DOT1L: variants seen among roughly 807,000 people sequenced by gnomAD.
The protein encoded by DOT1L is histone-lysine N-methyltransferase, H3 lysine-79 specific.
Under a neutral mutation model 153.3 loss-of-function variants are expected in DOT1L, and 33 were observed. The observed-to-expected ratio is 0.22, with a 90% confidence interval of 0.16 to 0.29. DOT1L has a LOEUF of 0.29. Among genes scored for constraint, DOT1L ranks in the 10% least tolerant of loss-of-function variants. The pLI, the probability that DOT1L is intolerant of heterozygous loss-of-function variation, is 1.00. For missense variants in DOT1L, 1,847 were observed against 2,119.9 expected (o/e 0.87, Z 2.53); for synonymous variants, 1,135 against 965.1 (o/e 1.18, Z -3.26).
At chr19:2,179,410 C>T (rs529842331) in intron 1 of DOT1L, among the ~76,000 whole-genome samples, 20 of 152,226 alleles carry the variant, frequency 1.3e-4, no homozygotes, top group South Asian at 2.1e-4. Flanking sequence ...CGGCCTCTGA[C>T]GCGCCCTGTG....
rs1011122568 is a variant in DOT1L at position 2,198,491 on chromosome 19, CG to C, written c.652-1386del. ...GACGAGTGGCCCTGTCCTCCGGGCC[CG>C]GGGGGGTGTCCCTGTCTCTCTGGGG... is the stretch of plus-strand genomic sequence containing the variant. On this transcript the variant is annotated intron_variant, in intron 7 of 27. Transcript: ENST00000398665. Among the ~76,000 whole-genome samples the C allele has an allele frequency of 3.9e-5, 6 of 152,252 alleles. No homozygotes were observed. In the South Asian group the frequency reaches 1.0e-3, roughly 26 times the overall value.
rs932223779 is a variant in DOT1L at position 2,230,810 on chromosome 19, C to T, written c.*1018C>T. The T allele has an allele frequency of 1.8e-5, 7 of 379,594 alleles. No homozygotes were observed. Among genetic ancestry groups the T allele is most frequent in the African/African-American group, 4.1e-5 (2 of 48,338 alleles). The allele number at this position is 379,594 out of a possible 1,614,324, so 23.5% of individuals were successfully genotyped here. The stretch of plus-strand genomic sequence containing the variant: ...CCCCAGCGTCAGCCCCGACCCTAGA[C>T]CCCTCAGTTGCAGCTCCCAGCAGCC... On this transcript the variant is annotated 3_prime_UTR_variant, in exon 28 of 28. Transcript: ENST00000398665.
chr19:2,225,068 G>A (rs2024272713), intron 25 of DOT1L, among the ~76,000 whole-genome samples: 1 of 152,214 alleles, frequency 6.6e-6, no homozygotes, highest in Admixed American at 6.5e-5. Flanking sequence ...AGAGAGCTCT[G>A]TCTGGGATTC....
In DOT1L at chr19:2,226,757, G is replaced by A. The variant is rs771418497; in HGVS notation, c.4236G>A (p.Lys1412=). The A allele has an allele frequency of 3.8e-6, 6 of 1,560,944 alleles. No individual in the cohort carries two copies. Among genetic ancestry groups the A allele is most frequent in the Non-Finnish European group, 5.2e-6 (6 of 1,160,082 alleles). ...KTPLLSGKAA[K]ARDREVDLKN... The stretch of plus-strand genomic sequence containing the variant: ...CACTGCTGAGCGGCAAGGCCGCCAA[G>A]GCCCGGGACCGCGAGGTCGACCTCA... Residue 1412 remains lysine (K), a synonymous_variant, in exon 27 of 28, where the codon AAG becomes AAA. Coordinates refer to ENST00000398665, the MANE Select transcript of DOT1L (RefSeq NM_032482.3).
At chr19:2,226,088 G>A in intron 26 of DOT1L, 95 bp from the exon 27 acceptor site, 1 of 1,359,028 alleles carries the variant, frequency 7.4e-7, no homozygotes, top group Middle Eastern at 1.9e-4. Flanking sequence ...CCTGCCTGCA[G>A]AGTTGCCCGG....
chr19:2,199,123 A>G (rs902926528), intron 7 of DOT1L, among the ~76,000 whole-genome samples: 3 of 152,228 alleles, frequency 2.0e-5, no homozygotes, highest in African/African-American at 7.2e-5. Flanking sequence ...GATTGTCCAG[A>G]TGCTACCGTG....
In DOT1L at chr19:2,210,414, A is replaced by T; in HGVS notation, c.1020A>T (p.Ala340=). 1 of 1,544,292 alleles carries T rather than the reference A, an allele frequency of 6.5e-7. No individual in the cohort carries two copies. The highest frequency in any genetic ancestry group is 8.7e-7 in the Non-Finnish European group (1 of 1,147,544). Residue 340 remains alanine, a synonymous_variant, in exon 13 of 28, where the codon GCA becomes GCT. Coordinates refer to ENST00000398665, the MANE Select transcript of DOT1L (RefSeq NM_032482.3). The part of the protein sequence containing the change: ...KNPKLREEQE[A]ARRRQQRESK... ...TCTCCTTCCAGGAGGAACAGGAGGC[A>T]GCCCGGCGCCGCCAGCAGCGCGAGA...
intron 19 of DOT1L, chr19:2,215,489 C>G (rs1181485640): frequency 2.6e-5 from 4 of 152,374 alleles, no homozygotes; most frequent in African/African-American, 9.6e-5. Flanking sequence ...TGCCCGCCTG[C>G]TCACCTTACG....
intron 7 of DOT1L, 84 bp downstream of exon 7, chr19:2,194,661 A>ATGTTGGCACATGGG: frequency 8.8e-7 from 1 of 1,139,138 alleles, no homozygotes; most frequent in Admixed American, 1.9e-5. Flanking sequence ...TTTCTTGCCG[A>ATGTTGGCACATGGG]TGTTGGCACA....
At chr19:2,198,775 C>G (rs58811094) in intron 7 of DOT1L, among the ~76,000 whole-genome samples, 3 of 152,198 alleles carry the variant, frequency 2.0e-5, no homozygotes, top group African/African-American at 7.2e-5. Flanking sequence ...TGGGCCTGTC[C>G]CGGACATTTC....
Position 2,229,345 on chromosome 19 carries a change from A to G in DOT1L, c.4607-440A>G, listed in dbSNP as rs73919914. The G allele has an allele frequency of 7.5e-3, 7,375 of 985,420 alleles. 441 individuals carry two copies. The African/African-American group carries it at 0.12, about 16-fold the overall frequency. The allele number at this position is 985,420 out of a possible 1,614,324, so 61.0% of individuals were successfully genotyped here. On this transcript the variant is annotated intron_variant, in intron 27 of 27. Transcript: ENST00000398665. ...GCCTTCTGCCTCAGGGGCCCCTGGG[A>G]CACAGGCCTTCCTGGGCGAGTCCAA...
Position 2,226,729 on chromosome 19 carries a change from C to A in DOT1L, c.4208C>A (p.Thr1403Asn), listed in dbSNP as rs200561588. ...GLPLCGPTDK[T>N]PLLSGKAAKA... Reference sequence around the variant, plus strand: ...CCGCTGTGCGGGCCCACGGACAAGACCCCACTGCTGAGCGGCAAGGCCGCC... The same window carrying A: ...CCGCTGTGCGGGCCCACGGACAAGAACCCACTGCTGAGCGGCAAGGCCGCC... Residue 1403 changes from threonine (T) to asparagine (N), a missense_variant, in exon 27 of 28, where the codon ACC becomes AAC. Physicochemically the swap from Thr to Asn is moderately conservative, Grantham distance 65 (BLOSUM62 0). Coordinates refer to ENST00000398665, the MANE Select transcript of DOT1L (RefSeq NM_032482.3). The A allele has an allele frequency of 2.5e-4, 387 of 1,559,716 alleles. No homozygotes were observed. Among genetic ancestry groups the A allele is most frequent in the Non-Finnish European group, 3.2e-4 (372 of 1,158,550 alleles).
chr19:2,180,812 C>A, intron 2 of DOT1L, 56 bp downstream of exon 2: 1 of 1,600,442 alleles, frequency 6.2e-7, no homozygotes, highest in Non-Finnish European at 8.5e-7. Context: ...CTTCCGTGGA[C>A]ACCCGTGCCC....
chr19:2,170,837 G>A (rs1320676564), intron 1 of DOT1L, among the ~76,000 whole-genome samples: 1 of 152,106 alleles, frequency 6.6e-6, no homozygotes, highest in Non-Finnish European at 1.5e-5. Context: ...GCAAGGCATG[G>A]GGGAAGGGCC....
At chr19:2,184,779 C>T (rs1361448535) in intron 2 of DOT1L, among the ~76,000 whole-genome samples, 3 of 152,234 alleles carry the variant, frequency 2.0e-5, no homozygotes. Context: ...GTCCTTGTTC[C>T]TTCGGTGAAT....
chr19:2,202,458 A>G (rs2023331743), intron 8 of DOT1L, among the ~76,000 whole-genome samples: 1 of 152,332 alleles, frequency 6.6e-6, no homozygotes, highest in African/African-American at 2.4e-5. Flanking sequence ...AAGATTCACA[A>G]TAAGAGACTT....
At position 2,180,785 on chromosome 19, in the gene DOT1L, T is replaced by G. The variant is rs543376196; in HGVS notation, c.125+29T>G. 2.4e-5 allele frequency: 39 copies of G among 1,613,260 alleles called. 1 individual carries two copies. The East Asian group carries it at 8.0e-4, about 33-fold the overall frequency. On this transcript the variant is annotated intron_variant, in intron 2 of 27. Transcript: ENST00000398665. ...AGTGCACGGCCTGCAGTGTGTTGTC[T>G]TCACAGCCCTGAGCCACTTCCGTGG...
At chr19:2,174,956 ATATGTGTG>A (rs1326436731) in intron 1 of DOT1L, among the ~76,000 whole-genome samples, 78 of 100,570 alleles carry the variant, frequency 7.8e-4, no homozygotes, top group African/African-American at 2.9e-3. Flanking sequence ...GTTTTTAAAT[ATATGTGTG>A]TGTGTGTGTG....
intron 22 of DOT1L, among the ~76,000 whole-genome samples, chr19:2,218,618 C>A (rs571919582): frequency 6.6e-6 from 1 of 152,072 alleles, no homozygotes; most frequent in Non-Finnish European, 1.5e-5. Flanking sequence ...TGGTCTTGAT[C>A]TCCTGACCTA....
Sources: gnomAD v4.1 joint callset for allele counts (sites outside exome capture counted in the v4.1 genomes callset) on GRCh38, gnomAD v4.1.1 for gene constraint, MANE v1.5 for transcripts, NCBI Gene and HGNC (gene_info 2026-07-23, HGNC 2026-07-21) for gene names.